The following ROR1 variants were observed in gnomAD, a reference collection of about 807,000 sequenced individuals.
The protein encoded by ROR1 is inactive tyrosine-protein kinase transmembrane receptor ROR1.
In ROR1, 19 loss-of-function variants were observed where a neutral mutation model predicts 78.8. The ratio of observed to expected loss-of-function variants is 0.24; its 90% confidence interval spans 0.17 to 0.35. The LOEUF (loss-of-function observed/expected upper bound fraction) is 0.35. ROR1 is among the 10% of genes least tolerant of loss of function. The pLI is 1.00. For synonymous variants in ROR1, 386 were observed against 433.6 expected (o/e 0.89, Z 1.36); for missense variants, 917 against 1,177.8 (o/e 0.78, Z 3.24).
chr1:63,789,138 GT>G, intron 1 of ROR1: 1 of 607,382 alleles, frequency 1.6e-6, no homozygotes, highest in Non-Finnish European at 3.2e-6. Context: ...GGAATGGACA[GT>G]CATTGGCTTG....
At chr1:63,787,816 G>C (rs924994404) in intron 1 of ROR1, among the ~76,000 whole-genome samples, 1 of 152,218 alleles carries the variant, frequency 6.6e-6, no homozygotes, top group Non-Finnish European at 1.5e-5. Flanking sequence ...ATAAGCCACT[G>C]CACCCGGCCT....
chr1:63,909,698 C>T (rs1403350144), intron 1 of ROR1, among the ~76,000 whole-genome samples: 1 of 151,966 alleles, frequency 6.6e-6, no homozygotes, highest in Non-Finnish European at 1.5e-5. Flanking sequence ...AGCTTTATTC[C>T]AGTTTTCTTT....
intron 1 of ROR1, among the ~76,000 whole-genome samples, chr1:63,891,748 T>C (rs1645398104): frequency 6.6e-6 from 1 of 152,146 alleles, no homozygotes; most frequent in Non-Finnish European, 1.5e-5. Context: ...AGGACACTTA[T>C]CTTCTTCTGT....
At chr1:63,975,449 A>C (rs1016387067) in intron 1 of ROR1, among the ~76,000 whole-genome samples, 5 of 152,198 alleles carry the variant, frequency 3.3e-5, no homozygotes, top group African/African-American at 1.2e-4. Flanking sequence ...AGTCTTTAAA[A>C]AACTGAATTA....
At chr1:64,039,052 C>T (rs142731017) in intron 2 of ROR1, among the ~76,000 whole-genome samples, 10 of 152,256 alleles carry the variant, frequency 6.6e-5, no homozygotes, top group East Asian at 3.9e-4. Context: ...AAGGCAAAAC[C>T]GCCCCATTCA....
At chr1:63,792,538 C>T (rs1294798719) in intron 1 of ROR1, among the ~76,000 whole-genome samples, 3 of 152,210 alleles carry the variant, frequency 2.0e-5, no homozygotes, top group Non-Finnish European at 4.4e-5. Flanking sequence ...TGGCCTGCTA[C>T]TCATCTGCTG....
chr1:63,875,840 T>C (rs1645281319), intron 1 of ROR1, among the ~76,000 whole-genome samples: 1 of 152,198 alleles, frequency 6.6e-6, no homozygotes, highest in African/African-American at 2.4e-5. Flanking sequence ...GGTAGCTACA[T>C]TGCCTACTAA....
At chr1:64,138,403 G>A (rs1393737522) in intron 5 of ROR1, among the ~76,000 whole-genome samples, 1 of 152,032 alleles carries the variant, frequency 6.6e-6, no homozygotes, top group Non-Finnish European at 1.5e-5. Flanking sequence ...TTCTTTATCT[G>A]GCAACCCTAG....
At chr1:64,048,595 C>A (rs559617340) in intron 2 of ROR1, among the ~76,000 whole-genome samples, 2 of 152,008 alleles carry the variant, frequency 1.3e-5, no homozygotes, top group African/African-American at 4.8e-5. Flanking sequence ...TAACAGAGCA[C>A]GTTTTTAAAA....
At chr1:64,013,261 G>A (rs144199497) in intron 2 of ROR1, among the ~76,000 whole-genome samples, 1 of 152,134 alleles carries the variant, frequency 6.6e-6, no homozygotes, top group Non-Finnish European at 1.5e-5. Flanking sequence ...ATATTTTAGG[G>A]TTGGGGTAGA....
intron 8 of ROR1, among the ~76,000 whole-genome samples, chr1:64,162,471 G>A (rs1649973970): frequency 6.6e-6 from 1 of 152,196 alleles, no homozygotes; most frequent in African/African-American, 2.4e-5. Flanking sequence ...GTTTCCTTCT[G>A]ATCTGTGGGC....
chr1:63,855,531 A>T (rs568456257), intron 1 of ROR1, among the ~76,000 whole-genome samples: 5 of 151,112 alleles, frequency 3.3e-5, no homozygotes, highest in African/African-American at 1.2e-4. Context: ...GATAGTTTTG[A>T]TTTTTGTGTT....
At chr1:64,143,004 G>A in intron 7 of ROR1, 2 of 1,094,822 alleles carry the variant, frequency 1.8e-6, no homozygotes, top group Non-Finnish European at 2.2e-6. Context: ...GCAAAAAAAG[G>A]AATATTGGAA....
At chr1:63,949,233 A>G (rs1645914464) in intron 1 of ROR1, among the ~76,000 whole-genome samples, 1 of 152,182 alleles carries the variant, frequency 6.6e-6, no homozygotes, top group South Asian at 2.1e-4. Flanking sequence ...AGACGAAATC[A>G]GGTCCGAATT....
chr1:64,175,394 C>T (rs1650353972), intron 8 of ROR1, among the ~76,000 whole-genome samples: 1 of 151,952 alleles, frequency 6.6e-6, no homozygotes, highest in African/African-American at 2.4e-5. Context: ...GTGGAATATT[C>T]TATTTACTAG....
chr1:63,789,761 G>A (rs1644714622), intron 1 of ROR1, among the ~76,000 whole-genome samples: 1 of 142,512 alleles, frequency 7.0e-6, no homozygotes, highest in Non-Finnish European at 1.5e-5. Flanking sequence ...CTCTCCCTCT[G>A]CACTGTGAGA....
At chr1:64,099,484 C>T (rs1016539473) in intron 4 of ROR1, among the ~76,000 whole-genome samples, 2 of 152,092 alleles carry the variant, frequency 1.3e-5, no homozygotes, top group African/African-American at 4.8e-5. Context: ...CTGAACTCAT[C>T]AGAGGCCGCC....
chr1:63,953,878 T>C (rs1177754812), intron 1 of ROR1, among the ~76,000 whole-genome samples: 2 of 152,012 alleles, frequency 1.3e-5, no homozygotes, highest in Non-Finnish European at 1.5e-5. Context: ...GCAGAGAAAA[T>C]GTGGAACTAG....
At chr1:64,123,135 CT>C (rs1036993523) in intron 4 of ROR1, among the ~76,000 whole-genome samples, 1 of 152,122 alleles carries the variant, frequency 6.6e-6, no homozygotes, top group Admixed American at 6.5e-5. Flanking sequence ...TCCAGATTTG[CT>C]TTAAGCCTGC....
Sources: allele counts gnomAD v4.1 joint callset (sites outside exome capture counted in the v4.1 genomes callset), GRCh38; gene constraint gnomAD v4.1.1; transcripts MANE v1.5; gene names NCBI Gene and HGNC (gene_info 2026-07-23, HGNC 2026-07-21).